ZC3H4: variants seen among roughly 807,000 people sequenced by gnomAD.
ZC3H4 encodes zinc finger CCCH-type containing 4.
A neutral mutation model predicts 108.3 loss-of-function variants in ZC3H4; 13 were observed. The ratio of observed to expected loss-of-function variants is 0.12; its 90% CI spans 0.08 to 0.19. ZC3H4 has a LOEUF of 0.19. Among genes scored for constraint, ZC3H4 ranks in the 10% least tolerant of loss-of-function variants. The pLI is 1.00. For missense variants in ZC3H4, 1,734 were observed against 1,838.8 expected, an observed-to-expected ratio of 0.94 and a Z score of 1.04; for synonymous variants, 917 against 749.6, an observed-to-expected ratio of 1.22 and a Z score of -3.65.
intron 10 of ZC3H4, 58 bp downstream of exon 10, chr19:47,082,126 C>T: frequency 7.2e-7 from 1 of 1,385,488 alleles, no homozygotes; most frequent in Non-Finnish European, 1.0e-6. Context: ...CTACCACCAT[C>T]AAGGAGCAGA....
chr19:47,066,422 C>A lies in ZC3H4; in HGVS notation c.3846G>T (p.Gln1282His). 1 of 1,570,648 alleles carries A rather than the reference C, an allele frequency of 6.4e-7. No individual in the cohort carries two copies. Among genetic ancestry groups the A allele is most frequent in the Non-Finnish European group, 8.6e-7 (1 of 1,160,862 alleles). ...AAACATCCTTCAGGGATGCCGCATCCTGCTCACCCTCGCGGGCCGGACTGT... is the reference window on the plus strand; with the variant it reads ...AAACATCCTTCAGGGATGCCGCATCATGCTCACCCTCGCGGGCCGGACTGT... ...AGNSPAREGE[Q>H]DAASLKDVFK... The change falls in exon 15 of 15, where the codon CAG (glutamine) becomes CAT (histidine). Residue 1282 changes from glutamine to histidine, a missense_variant. By Grantham distance (24) the Gln-to-His change is conservative. Around this residue, in one of 9 missense-constraint regions of ZC3H4, gnomAD observed 518 missense variants for 499.6 expected, o/e 1.04. Coordinates refer to ENST00000253048, the MANE Select transcript of ZC3H4 (RefSeq NM_015168.2).
chr19:47,090,688 G>A (rs1037592012), intron 4 of ZC3H4, among the ~76,000 whole-genome samples: 6 of 152,170 alleles, frequency 3.9e-5, no homozygotes, highest in African/African-American at 1.4e-4. Flanking sequence ...AAGCAACCAA[G>A]ACATCCTTCA....
Position 47,067,047 on chromosome 19 carries a change from C to T in ZC3H4, c.3221G>A (p.Arg1074Gln), listed in dbSNP as rs1345323094. 5 of 1,604,810 alleles carry T rather than the reference C, an allele frequency of 3.1e-6. No homozygotes were observed. The highest frequency in any genetic ancestry group is 3.4e-6 in the Non-Finnish European group (4 of 1,175,492). The change falls in exon 15 of 15, where the codon CGG becomes CAG. Residue 1074 changes from arginine to glutamine, a missense_variant. Physicochemically the swap from Arg to Gln is conservative, Grantham distance 43 (BLOSUM62 1). Transcript: ENST00000253048. The surrounding 1 kb of genome is among the most constrained non-coding windows in gnomAD (Gnocchi z 6.4). ...SSDKPSDPRVRKAPTDPRLQK... is the reference protein window; with the variant it reads ...SSDKPSDPRVQKAPTDPRLQK... ...CAGCCGAGGGTCGGTGGGGGCCTTC[C>T]GCACCCGGGGGTCACTGGGTTTGTC...
rs1242448501 is a variant in ZC3H4 at position 47,064,553 on chromosome 19, T to C, written c.*1803A>G. The C allele has an allele frequency of 1.3e-5, 2 of 152,360 alleles. No homozygotes were observed. The highest frequency in any genetic ancestry group is 2.9e-5 in the Non-Finnish European group (2 of 68,004). 9.4% of individuals were successfully genotyped at this position (152,360 alleles called of 1,614,324 possible). Reference sequence around the variant, plus strand: ...CATCCACAGATTTCGGTTTAAAAAATATTTTTCTTTTACAAAAGAAAATTC... The same window carrying C: ...CATCCACAGATTTCGGTTTAAAAAACATTTTTCTTTTACAAAAGAAAATTC... On this transcript the variant is annotated 3_prime_UTR_variant, in exon 15 of 15. Coordinates refer to ENST00000253048, the MANE Select transcript of ZC3H4 (RefSeq NM_015168.2).
intron 2 of ZC3H4, among the ~76,000 whole-genome samples, chr19:47,109,584 T>TTGCAGGA (rs2058010849): frequency 6.6e-6 from 1 of 152,196 alleles, no homozygotes; most frequent in Admixed American, 6.5e-5. Flanking sequence ...CAGACATTTC[T>TTGCAGGA]TGCAGGATAT....
intron 13 of ZC3H4, among the ~76,000 whole-genome samples, chr19:47,070,132 G>A (rs756807467): frequency 7.6e-5 from 11 of 145,212 alleles, no homozygotes; most frequent in East Asian, 3.8e-4. Context: ...TCACCGAAAC[G>A]GAGGGGGGGG....
At chr19:47,073,991 GTCTAGGTA>G (rs1231595287) in intron 11 of ZC3H4, among the ~76,000 whole-genome samples, 3 of 152,010 alleles carry the variant, frequency 2.0e-5, no homozygotes, top group African/African-American at 7.3e-5. Context: ...GTGTCTGGGT[GTCTAGGTA>G]TCTGGGGACG....
chr19:47,094,649 AGAG>A (rs773164930), intron 2 of ZC3H4, 41 bp from the exon 3 acceptor site: 33 of 1,605,070 alleles, frequency 2.1e-5, no homozygotes, highest in Non-Finnish European at 2.7e-5. Flanking sequence ...ACAGGGTTTG[AGAG>A]GAGACCTCCT....
chr19:47,071,691 C>G (rs1366678084), intron 13 of ZC3H4, 87 bp downstream of exon 13: 1 of 1,409,912 alleles, frequency 7.1e-7, no homozygotes, highest in African/African-American at 1.4e-5. Context: ...GAGACTTGGA[C>G]GAAGGAAGAA....
chr19:47,078,483 C>CA (rs1334170467), intron 11 of ZC3H4, among the ~76,000 whole-genome samples: 5,652 of 139,872 alleles, frequency 0.04, 321 homozygotes, highest in African/African-American at 0.13. Context: ...GACTCCGTTT[C>CA]AAAAAAAACA....
At chr19:47,111,763 G>A (rs1028206705) in intron 2 of ZC3H4, among the ~76,000 whole-genome samples, 3 of 151,060 alleles carry the variant, frequency 2.0e-5, no homozygotes, top group South Asian at 2.1e-4. Flanking sequence ...GTGCTATAGA[G>A]CACCCACCCA....
Position 47,072,442 on chromosome 19 carries a change from T to A in ZC3H4, c.1712A>T (p.Gln571Leu), listed in dbSNP as rs752071158. 2.5e-6 allele frequency: 4 copies of A among 1,604,748 alleles called. No homozygotes were observed. In the Admixed American group the frequency reaches 5.1e-5, roughly 20 times the overall value. ...CTTCTTGTTGTACATGTCCTGCTGC[T>A]GCAGCTGCTGCGGGGACAGTGGCTC... The part of the protein sequence containing the change: ...VHEPLSPQQL[Q>L]QQDMYNKKIP... Residue 571 changes from glutamine (Q) to leucine (L), a missense_variant, in exon 12 of 15, where the codon CAG becomes CTG. This residue lies in a region of ZC3H4 where 75 missense variants were observed against 85.8 expected (regional missense o/e 0.87). Transcript: ENST00000253048. This position sits in a 1 kb window ranked among gnomAD's most constrained non-coding sequence, Gnocchi z 5.6.
Position 47,072,278 on chromosome 19 carries a change from T to C in ZC3H4, c.1802+74A>G. 2 of 1,505,934 alleles carry C rather than the reference T, an allele frequency of 1.3e-6. No individual in the cohort carries two copies. Among genetic ancestry groups the C allele is most frequent in the East Asian group, 2.4e-5 (1 of 42,034 alleles). The allele number at this position is 1,505,934 out of a possible 1,614,324, so 93.3% of individuals were successfully genotyped here. A position where few individuals can be genotyped will look rare whatever the true frequency, so the allele number is the denominator to read the frequency against. On this transcript the variant is annotated intron_variant, in intron 12 of 14. Transcript: ENST00000253048. The surrounding 1 kb of genome is among the most constrained non-coding windows in gnomAD (Gnocchi z 5.6). The stretch of plus-strand genomic sequence containing the variant: ...AGGCAGGACTCTCCCACAGCCAGGC[T>C]TGCCCTAACAAGAGGAGCCTGGCTG...
Position 47,064,972 on chromosome 19 carries a change from G to C in ZC3H4, c.*1384C>G, listed in dbSNP as rs565699641. Reference sequence around the variant, plus strand: ...TCAGCAATGAAGAGCTTGGCCTGCAGCCACATGGTGGGCCAGGGAGACGGG... The same window carrying C: ...TCAGCAATGAAGAGCTTGGCCTGCACCCACATGGTGGGCCAGGGAGACGGG... On this transcript the variant is annotated 3_prime_UTR_variant, in exon 15 of 15. Coordinates refer to ENST00000253048, the MANE Select transcript of ZC3H4 (RefSeq NM_015168.2). The C allele has an allele frequency of 2.0e-5, 3 of 152,402 alleles. No individual in the cohort carries two copies. Among genetic ancestry groups the C allele is most frequent in the Admixed American group, 2.0e-4 (3 of 15,306 alleles). The allele number at this position is 152,402 out of a possible 1,614,324, so 9.4% of individuals were successfully genotyped here.
In ZC3H4 at chr19:47,072,606, G is replaced by A. The variant is rs756229937; in HGVS notation, c.1548C>T (p.Leu516=). Residue 516 remains leucine, a synonymous_variant, in exon 12 of 15, where the codon CTC becomes CTT. Coordinates refer to ENST00000253048, the MANE Select transcript of ZC3H4 (RefSeq NM_015168.2). The surrounding 1 kb of genome is among the most constrained non-coding windows in gnomAD (Gnocchi z 5.6). ...CAGGGGGCCGAGGAGGGGTGGGCAG[G>A]AGGCCCACACCAGGGGGCGGTTTGG... The part of the protein sequence containing the change: ...PLPKPPPGVG[L]LPTPPRPPGP... The A allele has an allele frequency of 6.2e-7, 1 of 1,607,104 alleles. No individual in the cohort carries two copies. The highest frequency in any genetic ancestry group is 1.1e-5 in the South Asian group (1 of 90,558).
At chr19:47,085,575 C>T (rs1326590715) in intron 6 of ZC3H4, among the ~76,000 whole-genome samples, 161 bp from the exon 7 acceptor site, 1 of 152,152 alleles carries the variant, frequency 6.6e-6, no homozygotes, top group African/African-American at 2.4e-5. Flanking sequence ...CCAATCCTTC[C>T]CACTGCAGTC....
intron 11 of ZC3H4, among the ~76,000 whole-genome samples, chr19:47,074,732 C>G (rs1218683848): frequency 6.6e-6 from 1 of 152,210 alleles, no homozygotes; most frequent in East Asian, 1.9e-4. Context: ...TAGTGAAAAC[C>G]CTGGGCGCTG....
chr19:47,108,405 GGA>G (rs1209950219), intron 2 of ZC3H4, among the ~76,000 whole-genome samples: 1 of 152,094 alleles, frequency 6.6e-6, no homozygotes, highest in African/African-American at 2.4e-5. Context: ...TGACCTCTAT[GGA>G]GAGATGTTTC....
At chr19:47,088,738 G>A (rs1165113364) in intron 5 of ZC3H4, among the ~76,000 whole-genome samples, 1 of 151,990 alleles carries the variant, frequency 6.6e-6, no homozygotes, top group Non-Finnish European at 1.5e-5. Flanking sequence ...TGATTCTCCT[G>A]CCTCCACCTC....
Sources: gnomAD v4.1 joint callset for allele counts (sites outside exome capture counted in the v4.1 genomes callset) on GRCh38, gnomAD v4.1.1 for gene constraint, gnomAD v4.1.1 regional missense constraint, Gnocchi (gnomAD v3.1) non-coding constraint, MANE v1.5 for transcripts, NCBI Gene and HGNC (gene_info 2026-07-23, HGNC 2026-07-21) for gene names.